GRK5: variants seen among roughly 807,000 people sequenced by gnomAD.
The protein encoded by GRK5 is G protein-coupled receptor kinase 5.
A neutral mutation model predicts 78.4 loss-of-function variants in GRK5; 40 were observed. The ratio of observed to expected loss-of-function variants is 0.51; its 90% CI spans 0.40 to 0.66. The LOEUF (loss-of-function observed/expected upper bound fraction) is 0.66, where lower values mean the gene tolerates loss of function less well. Ranked by LOEUF, GRK5 falls within the 30% of genes least tolerant of loss-of-function variation. GRK5 has a pLI of 0.00. For synonymous variants in GRK5, 289 were observed against 296.8 expected (o/e 0.97, Z 0.27); for missense variants, 598 against 759.9 (o/e 0.79, Z 2.50).
At chr10:119,305,077 T>G (rs759710567) in intron 1 of GRK5, among the ~76,000 whole-genome samples, 1 of 151,514 alleles carries the variant, frequency 6.6e-6, no homozygotes, top group Non-Finnish European at 1.5e-5. Context: ...GGTGTCTGGC[T>G]GTGGGGAGCT....
At chr10:119,259,008 T>C (rs1429650646) in intron 1 of GRK5, among the ~76,000 whole-genome samples, 2 of 151,726 alleles carry the variant, frequency 1.3e-5, no homozygotes, top group Admixed American at 6.6e-5. Flanking sequence ...AGGGCACTCT[T>C]CCCAGGTGAT....
At chr10:119,449,787 T>C (rs1252224652) in intron 13 of GRK5, among the ~76,000 whole-genome samples, 4 of 152,072 alleles carry the variant, frequency 2.6e-5, no homozygotes, top group Non-Finnish European at 5.9e-5. Context: ...AGACTGCATC[T>C]CAAAAAATAA....
At chr10:119,214,382 A>G (rs1275132404) in intron 1 of GRK5, among the ~76,000 whole-genome samples, 1 of 152,128 alleles carries the variant, frequency 6.6e-6, no homozygotes, top group Non-Finnish European at 1.5e-5. Context: ...TGTAGACTGC[A>G]TTGACTCTAC....
intron 1 of GRK5, among the ~76,000 whole-genome samples, chr10:119,312,881 T>G (rs73445484): frequency 0.083 from 886 of 10,658 alleles, 7 homozygotes; most frequent in African/African-American, 0.16. Flanking sequence ...CCTTGCCAGC[T>G]CTGTGTCCTC....
chr10:119,435,427 A>G (rs1852901952), intron 8 of GRK5, among the ~76,000 whole-genome samples: 1 of 152,190 alleles, frequency 6.6e-6, no homozygotes, highest in Non-Finnish European at 1.5e-5. Flanking sequence ...TGTTGCTTAG[A>G]AATTTCTTCT....
chr10:119,408,531 G>A (rs1036719801), intron 4 of GRK5, among the ~76,000 whole-genome samples: 2 of 152,124 alleles, frequency 1.3e-5, no homozygotes, highest in Non-Finnish European at 2.9e-5. Flanking sequence ...GGAATGAAGC[G>A]CTAATACATG....
intron 1 of GRK5, among the ~76,000 whole-genome samples, chr10:119,318,185 A>G (rs1229102503): frequency 6.6e-6 from 1 of 152,236 alleles, no homozygotes; most frequent in African/African-American, 2.4e-5. Flanking sequence ...GGAAAAGAAC[A>G]TTAGACTAAG....
chr10:119,398,507 G>T (rs1345937998), intron 4 of GRK5, among the ~76,000 whole-genome samples: 5 of 152,200 alleles, frequency 3.3e-5, no homozygotes, highest in African/African-American at 1.2e-4. Flanking sequence ...CTCTGCAGAG[G>T]CATCTTCCCA....
chr10:119,379,961 T>C lies in GRK5; in HGVS notation c.149-854T>C, dbSNP rs1295661330. On this transcript the variant is annotated intron_variant, in intron 2 of 15. Transcript: ENST00000392870. This position sits in a 1 kb window ranked among gnomAD's most constrained non-coding sequence, Gnocchi z 4.1. The stretch of plus-strand genomic sequence containing the variant: ...TTGCAGTATTTCCTCTTCAGAACCC[T>C]CTTGGCTATTGAGTGGGTAAGCGCG... 6.6e-6 allele frequency among the ~76,000 whole-genome samples: 1 copy of C among 152,100 alleles called. No individual in the cohort carries two copies. Among genetic ancestry groups the C allele is most frequent in the Admixed American group, 6.5e-5 (1 of 15,270 alleles).
intron 2 of GRK5, among the ~76,000 whole-genome samples, chr10:119,330,013 C>T (rs2133768538): frequency 6.6e-6 from 1 of 151,834 alleles, no homozygotes; most frequent in East Asian, 2.0e-4. Context: ...CAGGTACCTG[C>T]CATCACGCCC....
At chr10:119,334,395 CAG>C (rs1850839461) in intron 2 of GRK5, 1 of 155,376 alleles carries the variant, frequency 6.4e-6, no homozygotes, top group Admixed American at 6.3e-5. Context: ...GGATTTTCAA[CAG>C]AACTGGCACA....
chr10:119,208,042 G>T (rs1255451120), intron 1 of GRK5, 73 bp downstream of exon 1: 8 of 1,443,050 alleles, frequency 5.5e-6, no homozygotes, highest in Middle Eastern at 1.9e-4. Context: ...TGGCGTGCGG[G>T]CTGGGGCTGC....
chr10:119,277,219 C>T (rs894358972), intron 1 of GRK5, among the ~76,000 whole-genome samples: 11 of 152,164 alleles, frequency 7.2e-5, no homozygotes, highest in South Asian at 4.1e-4. Flanking sequence ...TTGATCATTT[C>T]GGCCAGACCC....
At chr10:119,422,766 G>A (rs1401377614) in intron 4 of GRK5, among the ~76,000 whole-genome samples, 1 of 152,244 alleles carries the variant, frequency 6.6e-6, no homozygotes, top group East Asian at 1.9e-4. Flanking sequence ...GCCCCTTATG[G>A]TTGGGAGCAT....
chr10:119,288,334 C>T (rs558950272), intron 1 of GRK5, among the ~76,000 whole-genome samples: 62 of 152,244 alleles, frequency 4.1e-4, no homozygotes, highest in African/African-American at 1.4e-3. Context: ...TCCAAGCACC[C>T]GAACATAAGC....
rs1340481184 is a variant in GRK5 at position 119,442,056 on chromosome 10, T to C, written c.1025T>C (p.Ile342Thr). Residue 342 changes from isoleucine (I) to threonine (T), a missense_variant, in exon 11 of 16, where the codon ATC becomes ACC. Transcript: ENST00000392870. ...LAVKIPEGDL[I>T]RGRVGTVGYM... ...GTGAAGATCCCCGAGGGAGACCTGA[T>C]CCGCGGCCGGGTGGGCACTGTTGGC... 1 of 1,613,936 alleles carries C rather than the reference T, an allele frequency of 6.2e-7. No homozygotes were observed. Among genetic ancestry groups the C allele is most frequent in the Non-Finnish European group, 8.5e-7 (1 of 1,179,926 alleles).
intron 1 of GRK5, among the ~76,000 whole-genome samples, chr10:119,210,530 A>G (rs1324151743): frequency 6.6e-6 from 1 of 152,220 alleles, no homozygotes. Context: ...TCTCCAAATA[A>G]CCATATTATC....
At chr10:119,242,333 G>C (rs1849040114) in intron 1 of GRK5, among the ~76,000 whole-genome samples, 1 of 151,822 alleles carries the variant, frequency 6.6e-6, no homozygotes, top group Admixed American at 6.6e-5. Context: ...GGATGGAATC[G>C]GAGCGGGGGC....
chr10:119,257,681 G>T (rs1849312852), intron 1 of GRK5, among the ~76,000 whole-genome samples: 1 of 152,168 alleles, frequency 6.6e-6, no homozygotes, highest in Non-Finnish European at 1.5e-5. Context: ...CCGAGATCAT[G>T]CCATTGAACT....
Sources: allele counts gnomAD v4.1 joint callset (sites outside exome capture counted in the v4.1 genomes callset), GRCh38; gene constraint gnomAD v4.1.1; non-coding constraint Gnocchi (gnomAD v3.1); transcripts MANE v1.5; gene names NCBI Gene and HGNC (gene_info 2026-07-23, HGNC 2026-07-21).